Variants in BRWD3 observed in about 807,000 individuals in gnomAD.
The protein encoded by BRWD3 is bromodomain and WD repeat domain containing 3.
BRWD3 carries 10 observed loss-of-function variants against 149.7 expected under a neutral mutation model. That is an observed-to-expected ratio of 0.07 (90% CI 0.04 to 0.11). The LOEUF is 0.11. BRWD3 is among the 10% of genes least tolerant of loss of function. The probability of loss-of-function intolerance (pLI) is 1.00; values close to 1 mark genes in which losing one functional copy is unlikely to be tolerated. For missense variants in BRWD3, 940 were observed against 1,373.2 expected, an observed-to-expected ratio of 0.68 and a Z score of 4.99; for synonymous variants, 504 against 456.7, an observed-to-expected ratio of 1.10 and a Z score of -1.32.
At chrX:80,803,294 T>C (rs1280408188) in intron 4 of BRWD3, among the ~76,000 whole-genome samples, 1 of 111,361 alleles carries the variant, frequency 9.0e-6, no homozygotes, top group Non-Finnish European at 1.9e-5. Flanking sequence ...TATTCAAATG[T>C]GACAAAGATG....
chrX:80,718,553 T>A (rs1163671124), intron 18 of BRWD3, among the ~76,000 whole-genome samples: 1 of 111,970 alleles, frequency 8.9e-6, no homozygotes, highest in Non-Finnish European at 1.9e-5. Flanking sequence ...CCTGGATAGA[T>A]AGGATTATCA....
intron 19 of BRWD3, chrX:80,716,972 CT>C (rs1231985072): frequency 9.0e-6 from 1 of 111,454 alleles, no homozygotes; most frequent in Non-Finnish European, 1.9e-5. Flanking sequence ...TGGTAAAAGG[CT>C]TGGTTAGGAA....
intron 6 of BRWD3, 41 bp downstream of exon 6, chrX:80,791,813 G>C (rs776613923): frequency 1.2e-5 from 12 of 1,013,059 alleles, no homozygotes; most frequent in South Asian, 5.9e-5. Flanking sequence ...AGGAAGGAAA[G>C]AATCAACAAT....
At chrX:80,732,241 G>A (rs954173985) in intron 12 of BRWD3, among the ~76,000 whole-genome samples, 3 of 112,074 alleles carry the variant, frequency 2.7e-5, no homozygotes, top group Admixed American at 1.9e-4. Context: ...AAGCATTTTG[G>A]ATAGGAAATA....
intron 4 of BRWD3, among the ~76,000 whole-genome samples, chrX:80,801,322 T>C (rs1399264914): frequency 2.1e-5 from 2 of 93,788 alleles, no homozygotes; most frequent in Non-Finnish European, 4.1e-5. Flanking sequence ...CCAAATTCAA[T>C]GGATTCTCCT....
chrX:80,678,024 G>C (rs138955137), intron 40 of BRWD3, among the ~76,000 whole-genome samples: 1,827 of 111,062 alleles, frequency 0.016, 20 homozygotes, highest in South Asian at 0.056. Context: ...TGAGTAGTAG[G>C]AGATGAGTGC....
At chrX:80,704,591 A>ATTGT in intron 23 of BRWD3, 87 bp downstream of exon 23, 1 of 865,915 alleles carries the variant, frequency 1.2e-6, no homozygotes, top group South Asian at 2.4e-5. Flanking sequence ...TTTTTAGAGA[A>ATTGT]AAGTCAATGT....
intron 33 of BRWD3, among the ~76,000 whole-genome samples, chrX:80,688,671 C>G (rs989558698): frequency 9.1e-6 from 1 of 110,473 alleles, no homozygotes; most frequent in Non-Finnish European, 1.9e-5. Flanking sequence ...AAAAGTAGCT[C>G]ATGAGATATT....
chrX:80,741,683 T>G (rs1321535833), intron 8 of BRWD3, among the ~76,000 whole-genome samples: 1 of 111,173 alleles, frequency 9.0e-6, no homozygotes, highest in African/African-American at 3.2e-5. Context: ...GTTTCTCATG[T>G]GTCTCTTGGC....
At chrX:80,774,797 T>C (rs2073983300) in intron 6 of BRWD3, among the ~76,000 whole-genome samples, 1 of 111,335 alleles carries the variant, frequency 9.0e-6, no homozygotes, top group Admixed American at 9.6e-5. Context: ...TCAATCCAAT[T>C]ACCTCCATTT....
chrX:80,699,936 T>C, intron 25 of BRWD3, 21 bp downstream of exon 25: 1 of 1,139,144 alleles, frequency 8.8e-7, no homozygotes, highest in South Asian at 1.8e-5. Context: ...ATTGCATAGC[T>C]TATGAATTTG....
intron 6 of BRWD3, among the ~76,000 whole-genome samples, chrX:80,745,934 T>C (rs2073586776): frequency 9.0e-6 from 1 of 110,592 alleles, no homozygotes; most frequent in Non-Finnish European, 1.9e-5. Context: ...TTCCATTAAA[T>C]CCCAAGGGAC....
chrX:80,695,554 G>C (rs2072676587), intron 27 of BRWD3, among the ~76,000 whole-genome samples: 1 of 111,561 alleles, frequency 9.0e-6, no homozygotes, highest in South Asian at 3.7e-4. Context: ...AGGTGACAGG[G>C]AGGGAAACAA....
At chrX:80,792,597 T>G (rs1291702425) in intron 5 of BRWD3, among the ~76,000 whole-genome samples, 1 of 112,153 alleles carries the variant, frequency 8.9e-6, no homozygotes, top group Non-Finnish European at 1.9e-5. Flanking sequence ...CCTTAAATTA[T>G]AAAATGAGAT....
chrX:80,682,496 T>C lies in BRWD3; in HGVS notation c.4366A>G (p.Ser1456Gly). ...PRYRKRLRSS[S>G]SSLSSSGAPS... ...GCTCCACTACTAGATAATGAACTGC[T>C]GCTGCTTCTTAGACGTTTTCTGTAC... Residue 1456 changes from serine (S) to glycine (G), a missense_variant, in exon 38 of 41, where the codon AGC becomes GGC. Physicochemically the swap from Ser to Gly is moderately conservative, Grantham distance 56. Coordinates refer to ENST00000373275, the MANE Select transcript of BRWD3 (RefSeq NM_153252.5). 8.3e-7 allele frequency: 1 copy of C among 1,210,888 alleles called. No homozygotes were observed. Among genetic ancestry groups the C allele is most frequent in the South Asian group, 1.8e-5 (1 of 56,977 alleles).
chrX:80,730,132 G>A, intron 12 of BRWD3, 112 bp from the exon 13 acceptor site: 2 of 518,970 alleles, frequency 3.9e-6, no homozygotes, highest in Admixed American at 2.9e-5. Context: ...AATGTAAAAT[G>A]GTACAGTCAC....
intron 6 of BRWD3, among the ~76,000 whole-genome samples, chrX:80,770,143 T>G (rs12798365): frequency 0.02 from 2,184 of 111,131 alleles, 57 homozygotes; most frequent in African/African-American, 0.067. Flanking sequence ...CAGGACCAGA[T>G]AGATTCACAG....
chrX:80,744,423 T>C (rs756663854), intron 7 of BRWD3, among the ~76,000 whole-genome samples, 170 bp from the exon 8 acceptor site: 6 of 112,262 alleles, frequency 5.3e-5, no homozygotes, highest in Non-Finnish European at 1.1e-4. Context: ...GATGTCCAAA[T>C]GATAGCAATA....
chrX:80,709,648 G>T, intron 20 of BRWD3, 71 bp from the exon 21 acceptor site: 1 of 992,131 alleles, frequency 1.0e-6, no homozygotes. Flanking sequence ...CATATATAAA[G>T]CAAATTAGGT....
Sources: allele counts gnomAD v4.1 joint callset (sites outside exome capture counted in the v4.1 genomes callset), GRCh38; gene constraint gnomAD v4.1.1; transcripts MANE v1.5; gene names NCBI Gene and HGNC (gene_info 2026-07-23, HGNC 2026-07-21).